Variants in CFAP97 observed in about 807,000 individuals in gnomAD.
CFAP97 encodes cilia- and flagella-associated protein 97.
CFAP97 carries 36 observed loss-of-function variants against 43.1 expected under a neutral mutation model. The observed-to-expected ratio is 0.84, with a 90% CI of 0.64 to 1.10. The LOEUF is 1.10. CFAP97 is among the 50% of genes least tolerant of loss of function. The pLI is 0.00. For missense variants in CFAP97, 657 were observed against 620.3 expected (o/e 1.06, Z -0.63); for synonymous variants, 228 against 225.7 (o/e 1.01, Z -0.09).
chr4:185,174,503 G>C lies in CFAP97; in HGVS notation c.1320+1283C>G, dbSNP rs191303279. On this transcript the variant is annotated intron_variant, in intron 3 of 4. Transcript: ENST00000458385. Reference sequence around the variant, plus strand: ...TAATAAAGAAATGTACAAAAGAGTTGTTACAAGTTTAGGTAAGTATATGGT... The same window carrying C: ...TAATAAAGAAATGTACAAAAGAGTTCTTACAAGTTTAGGTAAGTATATGGT... Among the ~76,000 whole-genome samples, 825 of 152,282 alleles carry C rather than the reference G, an allele frequency of 5.4e-3. 7 individuals carry two copies. The highest frequency in any genetic ancestry group is 0.019 in the African/African-American group (794 of 41,552).
At chr4:185,163,289 TA>T (rs1247502935) in intron 4 of CFAP97, among the ~76,000 whole-genome samples, 1 of 152,222 alleles carries the variant, frequency 6.6e-6, no homozygotes, top group Non-Finnish European at 1.5e-5. Flanking sequence ...TTAGTCACTA[TA>T]CCACGGAAGC....
chr4:185,174,156 A>C (rs79046164), intron 3 of CFAP97, among the ~76,000 whole-genome samples: 2 of 152,220 alleles, frequency 1.3e-5, no homozygotes, highest in Non-Finnish European at 2.9e-5. Context: ...AATGCCTAAC[A>C]CTTGTAAAAT....
upstream of CFAP97, among the ~76,000 whole-genome samples, chr4:185,205,479 C>G (rs934039128): frequency 1.3e-5 from 2 of 151,818 alleles, no homozygotes; most frequent in Non-Finnish European, 2.9e-5. Flanking sequence ...AAGAATTTCA[C>G]TTTCTTTTAA....
At chr4:185,197,126 CAT>C (rs1301748782) in intron 1 of CFAP97, among the ~76,000 whole-genome samples, 4 of 113,854 alleles carry the variant, frequency 3.5e-5, no homozygotes, top group African/African-American at 1.4e-4. Context: ...AAAAAAAAGA[CAT>C]GTAGCTTAAA....
intron 3 of CFAP97, among the ~76,000 whole-genome samples, chr4:185,173,093 G>A (rs1300474574): frequency 6.6e-6 from 1 of 152,182 alleles, no homozygotes; most frequent in Non-Finnish European, 1.5e-5. Context: ...AACGGGCACA[G>A]TGGCTCACGC....
chr4:185,166,757 G>C (rs1251714369), intron 3 of CFAP97, among the ~76,000 whole-genome samples: 2 of 152,128 alleles, frequency 1.3e-5, no homozygotes, highest in African/African-American at 4.8e-5. Flanking sequence ...GTGTCCATCT[G>C]AGTGTTACAT....
rs944560861 is a variant in CFAP97, at chr4:185,190,784, C to T, written c.413G>A (p.Ser138Asn). 6.2e-7 allele frequency: 1 copy of T among 1,605,244 alleles called. No individual in the cohort carries two copies. Among genetic ancestry groups the T allele is most frequent in the Non-Finnish European group, 8.5e-7 (1 of 1,175,082 alleles). The stretch of plus-strand genomic sequence containing the variant: ...ATGGTATTTCTTCCCATCATCACTG[C>T]TTTCCTCTCCATCTGTGTAGTAATC... ...EDDYYTDGEE[S>N]SDDGKKYHVK... The change falls in exon 2 of 5, where the codon AGC (serine) becomes AAC (asparagine). Residue 138 changes from serine (S) to asparagine (N), a missense_variant. Ser to Asn is a conservative substitution (Grantham distance 46). Coordinates refer to ENST00000458385, the MANE Select transcript of CFAP97 (RefSeq NM_020827.3).
intron 2 of CFAP97, among the ~76,000 whole-genome samples, chr4:185,184,516 T>C (rs2111369847): frequency 6.6e-6 from 1 of 152,312 alleles, no homozygotes; most frequent in South Asian, 2.1e-4. Flanking sequence ...CTCTGGACAC[T>C]GTTGTGTCTG....
chr4:185,185,534 C>T (rs75640558), intron 2 of CFAP97, among the ~76,000 whole-genome samples: 5,967 of 151,988 alleles, frequency 0.039, 385 homozygotes, highest in African/African-American at 0.13. Context: ...CTTGTATCTG[C>T]CACCATGAGT....
upstream of CFAP97, among the ~76,000 whole-genome samples, chr4:185,205,645 A>G (rs921552342): frequency 6.6e-5 from 10 of 152,160 alleles, no homozygotes; most frequent in Non-Finnish European, 7.4e-5. Flanking sequence ...CCTGGCCAAC[A>G]TGGTGAAACT....
chr4:185,186,947 A>G (rs1156380312), intron 2 of CFAP97, among the ~76,000 whole-genome samples: 1 of 152,216 alleles, frequency 6.6e-6, no homozygotes, highest in East Asian at 1.9e-4. Context: ...AGAGCAGGAG[A>G]GAGCTGCAGC....
chr4:185,183,430 C>T (rs1735880569), intron 2 of CFAP97, among the ~76,000 whole-genome samples: 1 of 152,092 alleles, frequency 6.6e-6, no homozygotes, highest in South Asian at 2.1e-4. Context: ...ATTAGGTAAG[C>T]CAAAGCAGCC....
chr4:185,178,221 T>C (rs929818633), intron 2 of CFAP97, among the ~76,000 whole-genome samples: 2 of 151,120 alleles, frequency 1.3e-5, no homozygotes, highest in African/African-American at 4.9e-5. Flanking sequence ...GTAAGCTATT[T>C]TCCCCTAACG....
Position 185,198,442 on chromosome 4 carries a change from T to TA in CFAP97, c.-17+5455dup, listed in dbSNP as rs1413103207. ...TGGGTGACAGAGTGAGACTCTGTCT[T>TA]AAAAAAAAAAAAAAGAAAGAAAGGA... On this transcript the variant is annotated intron_variant, in intron 1 of 4. Coordinates refer to ENST00000458385, the MANE Select transcript of CFAP97 (RefSeq NM_020827.3). Among the ~76,000 whole-genome samples the TA allele has an allele frequency of 1.9e-3, 194 of 101,058 alleles. 1 individual carries two copies. Among genetic ancestry groups the TA allele is most frequent in the South Asian group, 7.4e-3 (21 of 2,856 alleles). 66.3% of individuals were successfully genotyped at this position (101,058 alleles called of 152,430 possible). A position where few individuals can be genotyped will look rare whatever the true frequency, so the allele number is the denominator to read the frequency against.
At chr4:185,201,945 A>C (rs897700985) in intron 1 of CFAP97, among the ~76,000 whole-genome samples, 1 of 152,176 alleles carries the variant, frequency 6.6e-6, no homozygotes, top group African/African-American at 2.4e-5. Context: ...GTCATTGTAA[A>C]AATTAACATA....
Position 185,190,958 on chromosome 4 carries a change from G to T in CFAP97, c.239C>A (p.Pro80His). 3 of 1,613,710 alleles carry T rather than the reference G, an allele frequency of 1.9e-6. No homozygotes were observed. Among genetic ancestry groups the T allele is most frequent in the Non-Finnish European group, 2.5e-6 (3 of 1,179,750 alleles). ...AGTTTGTGTAACATCATTCTCTACG[G>T]GGTGTTCTGGGGGAAATTTCACGTT... Reference protein sequence around the residue: ...ERNVKFPPEHPVENDVTQTVS... With the variant: ...ERNVKFPPEHHVENDVTQTVS... The change falls in exon 2 of 5, where the codon CCC becomes CAC. Residue 80 changes from proline (P) to histidine (H), a missense_variant. Physicochemically the swap from Pro to His is moderately conservative, Grantham distance 77. Transcript: ENST00000458385.
chr4:185,180,564 C>T (rs1431840548), intron 2 of CFAP97, among the ~76,000 whole-genome samples: 1 of 152,070 alleles, frequency 6.6e-6, no homozygotes, highest in African/African-American at 2.4e-5. Context: ...ACGGTTCACC[C>T]ATGTAGCATT....
chr4:185,184,814 A>G (rs146815639), intron 2 of CFAP97, among the ~76,000 whole-genome samples: 4 of 152,312 alleles, frequency 2.6e-5, no homozygotes, highest in African/African-American at 7.2e-5. Flanking sequence ...AAACTTGACA[A>G]TTCTAAGAGT....
At chr4:185,204,027 TGGGGCCCGGCGCTTCGGGAGAGGCGG>T (rs1255974546), upstream of CFAP97, 2 of 150,700 alleles carry the variant, frequency 1.3e-5, no homozygotes, top group African/African-American at 4.9e-5. Context: ...AGGGGCGGCG[TGGGGCCCGGCGCTTCGGGAGAGGCGG>T]GGGCGCACGC....
Sources: gnomAD v4.1 joint callset for allele counts (sites outside exome capture counted in the v4.1 genomes callset) on GRCh38, gnomAD v4.1.1 for gene constraint, MANE v1.5 for transcripts, NCBI Gene and HGNC (gene_info 2026-07-23, HGNC 2026-07-21) for gene names.